Variants in NELL2 observed in about 807,000 individuals in gnomAD.
The protein encoded by NELL2 is protein kinase C-binding protein NELL2.
A neutral mutation model predicts 109.6 loss-of-function variants in NELL2; 41 were observed. That is an observed-to-expected ratio of 0.37 (90% CI 0.29 to 0.49). The LOEUF is 0.49. Ranked by LOEUF, NELL2 falls within the 20% of genes least tolerant of loss-of-function variation. The probability of loss-of-function intolerance (pLI) is 0.98; values close to 1 mark genes in which losing one functional copy is unlikely to be tolerated. For synonymous variants in NELL2, 355 were observed against 344.7 expected, an observed-to-expected ratio of 1.03 and a Z score of -0.33; for missense variants, 900 against 1,008.3, an observed-to-expected ratio of 0.89 and a Z score of 1.45.
chr12:44,712,021 C>T (rs1381527958), intron 10 of NELL2, among the ~76,000 whole-genome samples: 2 of 152,020 alleles, frequency 1.3e-5, no homozygotes, highest in South Asian at 4.1e-4. Context: ...AAAGATTAAA[C>T]ACTTCCCAAG....
chr12:44,758,139 C>CTCTA (rs1199823046), intron 9 of NELL2, among the ~76,000 whole-genome samples: 2 of 151,982 alleles, frequency 1.3e-5, no homozygotes, highest in African/African-American at 4.8e-5. Flanking sequence ...AAGAGACTGT[C>CTCTA]CCAGCTGAGA....
intron 12 of NELL2, among the ~76,000 whole-genome samples, chr12:44,670,077 T>G (rs1230061826): frequency 6.6e-6 from 1 of 152,150 alleles, no homozygotes; most frequent in Non-Finnish European, 1.5e-5. Flanking sequence ...AAGGGAGTGA[T>G]GTATTCAAAG....
chr12:44,919,342 T>C (rs1470430894), intron 1 of NELL2, among the ~76,000 whole-genome samples: 1 of 151,914 alleles, frequency 6.6e-6, no homozygotes, highest in Non-Finnish European at 1.5e-5. Flanking sequence ...TATAAAATAA[T>C]ATTAATATAA....
At chr12:44,779,565 C>A (rs1366261872) in intron 5 of NELL2, 98 bp downstream of exon 5, 12 of 921,944 alleles carry the variant, frequency 1.3e-5, no homozygotes, top group African/African-American at 6.8e-5. Flanking sequence ...ATTTACAAAT[C>A]AAATTATTTT....
intron 12 of NELL2, among the ~76,000 whole-genome samples, chr12:44,685,466 G>C (rs1314354740): frequency 6.6e-6 from 1 of 151,854 alleles, no homozygotes; most frequent in Non-Finnish European, 1.5e-5. Context: ...TATGATATTA[G>C]CTGGTTATTT....
chr12:44,748,043 C>T (rs1412168446), intron 9 of NELL2, among the ~76,000 whole-genome samples: 2 of 152,130 alleles, frequency 1.3e-5, no homozygotes, highest in Non-Finnish European at 2.9e-5. Context: ...TCACTTGTAT[C>T]ATCTGTAAAT....
At chr12:44,759,656 G>T (rs1345894719) in intron 9 of NELL2, among the ~76,000 whole-genome samples, 4 of 152,156 alleles carry the variant, frequency 2.6e-5, no homozygotes, top group African/African-American at 9.7e-5. Context: ...GGGATGTTTT[G>T]CTACACAGTA....
At chr12:44,537,032 G>GA in intron 15 of NELL2, among the ~76,000 whole-genome samples, 1 of 116,474 alleles carries the variant, frequency 8.6e-6, no homozygotes. Context: ...AAAAAAAAAA[G>GA]GAAAATGTAT....
chr12:44,824,470 T>A (rs1313704843), intron 2 of NELL2, among the ~76,000 whole-genome samples: 3 of 152,126 alleles, frequency 2.0e-5, no homozygotes, highest in African/African-American at 7.2e-5. Context: ...TGCATGTGGA[T>A]ATCCAGTTTT....
intron 9 of NELL2, among the ~76,000 whole-genome samples, chr12:44,717,784 C>T (rs1938567075): frequency 6.6e-6 from 1 of 152,130 alleles, no homozygotes; most frequent in South Asian, 2.1e-4. Flanking sequence ...AGAAACATAG[C>T]CAACCTTCTC....
chr12:44,628,147 T>G (rs2136281402), intron 13 of NELL2, among the ~76,000 whole-genome samples: 1 of 152,306 alleles, frequency 6.6e-6, no homozygotes, highest in Middle Eastern at 3.4e-3. Context: ...ACATCGTATC[T>G]TCACACACAG....
At chr12:44,648,623 G>A (rs1221976099) in intron 13 of NELL2, among the ~76,000 whole-genome samples, 3 of 150,430 alleles carry the variant, frequency 2.0e-5, no homozygotes, top group Non-Finnish European at 4.4e-5. Flanking sequence ...AACTTACAGA[G>A]AATGAGATAG....
chr12:44,649,688 C>T (rs1226311327), intron 13 of NELL2, among the ~76,000 whole-genome samples: 1 of 152,208 alleles, frequency 6.6e-6, no homozygotes, highest in Non-Finnish European at 1.5e-5. Flanking sequence ...CCCCCATACC[C>T]TGCCAGGAAA....
At chr12:44,879,130 A>G (rs1480168263), upstream of NELL2, among the ~76,000 whole-genome samples, 1 of 152,178 alleles carries the variant, frequency 6.6e-6, no homozygotes, top group Non-Finnish European at 1.5e-5. Flanking sequence ...AAGATGGGAA[A>G]ATATAGAAGG....
At chr12:44,605,156 C>T in intron 15 of NELL2, among the ~76,000 whole-genome samples, 1 of 152,194 alleles carries the variant, frequency 6.6e-6, no homozygotes, top group African/African-American at 2.4e-5. Context: ...AAGAAACATA[C>T]TGGGATGCAC....
rs1164903339 is a variant in NELL2, at chr12:44,764,694, G to A, written c.994+10053C>T. ...ACTAGCTGGCTTATCTCAGGCAACA[G>A]CAGTAACCTCCCTAAGCTTCACTTT... On this transcript the variant is annotated intron_variant, in intron 9 of 19. Transcript: ENST00000429094. Among the ~76,000 whole-genome samples the A allele has an allele frequency of 2.6e-5, 4 of 152,292 alleles. No individual in the cohort carries two copies. In the East Asian group the frequency reaches 7.7e-4, roughly 29 times the overall value.
At chr12:44,854,371 A>C (rs1043295808) in intron 2 of NELL2, among the ~76,000 whole-genome samples, 49 of 152,240 alleles carry the variant, frequency 3.2e-4, no homozygotes, top group African/African-American at 1.1e-3. Flanking sequence ...CTCAGTAGCA[A>C]AGAAAGCATT....
chr12:44,876,470 T>G, upstream of NELL2: 5 of 1,318,614 alleles, frequency 3.8e-6, no homozygotes, highest in Non-Finnish European at 4.9e-6. Context: ...CCAAACCCGG[T>G]CTAGGGAGCC....
chr12:44,635,127 T>C (rs1946588314), intron 13 of NELL2, among the ~76,000 whole-genome samples: 1 of 151,960 alleles, frequency 6.6e-6, no homozygotes, highest in South Asian at 2.1e-4. Flanking sequence ...TTTGATGGGG[T>C]TGTTTGTTTT....
Sources: gnomAD v4.1 joint callset for allele counts (sites outside exome capture counted in the v4.1 genomes callset) on GRCh38, gnomAD v4.1.1 for gene constraint, MANE v1.5 for transcripts, NCBI Gene and HGNC (gene_info 2026-07-23, HGNC 2026-07-21) for gene names.